The following GRM8 variants were observed in gnomAD, a reference collection of about 807,000 sequenced individuals.
GRM8 encodes metabotropic glutamate receptor 8.
In GRM8, 47 loss-of-function variants were observed where a neutral mutation model predicts 87.2. The ratio of observed to expected loss-of-function variants is 0.54; its 90% CI spans 0.43 to 0.69. GRM8 has a LOEUF of 0.69. Among genes scored for constraint, GRM8 ranks in the 30% least tolerant of loss-of-function variants. The probability of loss-of-function intolerance (pLI) is 0.00; values close to 1 mark genes in which losing one functional copy is unlikely to be tolerated. For synonymous variants in GRM8, 396 were observed against 404.5 expected, an observed-to-expected ratio of 0.98 and a Z score of 0.25; for missense variants, 1,019 against 1,139.2, an observed-to-expected ratio of 0.89 and a Z score of 1.52.
rs17867190 is a variant in GRM8 at position 126,982,000 on chromosome 7, A to G, written c.728-77317T>C. Among the ~76,000 whole-genome samples, 1,428 of 151,736 alleles carry G rather than the reference A, an allele frequency of 9.4e-3. 28 individuals carry two copies. Among genetic ancestry groups the G allele is most frequent in the African/African-American group, 0.033 (1,359 of 41,204 alleles). ...TCTATATCTATATCTATATCTATCT[A>G]TTTATCTATCTAGGGAGTTTATTAA... On this transcript the variant is annotated intron_variant, in intron 3 of 10. Coordinates refer to ENST00000339582, the MANE Select transcript of GRM8 (RefSeq NM_000845.3).
chr7:127,180,617 G>A (rs181745461), intron 2 of GRM8, among the ~76,000 whole-genome samples: 173 of 152,050 alleles, frequency 1.1e-3, no homozygotes, highest in Admixed American at 2.6e-3. Context: ...CTAGCTAACC[G>A]AATCCAACAA....
intron 6 of GRM8, among the ~76,000 whole-genome samples, chr7:126,811,907 G>C (rs1233540214): frequency 6.6e-6 from 1 of 151,898 alleles, no homozygotes; most frequent in African/African-American, 2.4e-5. Flanking sequence ...TTGAATAGGA[G>C]TGGTGAAAGT....
At chr7:126,993,422 A>G (rs1812867647) in intron 3 of GRM8, among the ~76,000 whole-genome samples, 1 of 152,110 alleles carries the variant, frequency 6.6e-6, no homozygotes, top group African/African-American at 2.4e-5. Context: ...AGGGTGGAGC[A>G]AGATGGCCAA....
At chr7:126,880,166 A>G (rs1799896646) in intron 6 of GRM8, among the ~76,000 whole-genome samples, 2 of 152,230 alleles carry the variant, frequency 1.3e-5, no homozygotes, top group Non-Finnish European at 2.9e-5. Context: ...TGTTTATTAG[A>G]TGAATAAATA....
At chr7:126,738,693 G>C (rs914993048) in intron 7 of GRM8, among the ~76,000 whole-genome samples, 6 of 145,314 alleles carry the variant, frequency 4.1e-5, no homozygotes, top group Non-Finnish European at 6.0e-5. Context: ...TTACCAGTGT[G>C]GGGGGTGAGT....
intron 6 of GRM8, among the ~76,000 whole-genome samples, chr7:126,787,967 T>C (rs751307327): frequency 6.6e-6 from 1 of 152,124 alleles, no homozygotes; most frequent in African/African-American, 2.4e-5. Context: ...ATTAAATATA[T>C]CACAAATGGC....
intron 3 of GRM8, among the ~76,000 whole-genome samples, chr7:126,905,569 A>G (rs79035239): frequency 0.01 from 1,545 of 152,296 alleles, 22 homozygotes; most frequent in African/African-American, 0.035. Flanking sequence ...CATTTATAGC[A>G]TTGCTTCAGT....
intron 2 of GRM8, among the ~76,000 whole-genome samples, chr7:127,107,783 C>T (rs1825954062): frequency 6.6e-6 from 1 of 152,180 alleles, no homozygotes; most frequent in South Asian, 2.1e-4. Context: ...CCTTGACATA[C>T]TTGTAAAGCT....
intron 3 of GRM8, among the ~76,000 whole-genome samples, chr7:126,967,121 G>A (rs947037250): frequency 1.3e-5 from 2 of 152,140 alleles, no homozygotes; most frequent in Non-Finnish European, 2.9e-5. Context: ...TGACAGATGG[G>A]TTTCTGGTAG....
At chr7:126,654,602 C>T (rs930265875) in intron 7 of GRM8, among the ~76,000 whole-genome samples, 1 of 152,122 alleles carries the variant, frequency 6.6e-6, no homozygotes, top group African/African-American at 2.4e-5. Flanking sequence ...AAAATGAAGG[C>T]ATTTAAAATT....
At chr7:126,596,059 G>C (rs1797158129) in intron 8 of GRM8, among the ~76,000 whole-genome samples, 1 of 152,170 alleles carries the variant, frequency 6.6e-6, no homozygotes, top group Non-Finnish European at 1.5e-5. Context: ...AGGAGGCAGA[G>C]GTTGCAGTGA....
intron 6 of GRM8, among the ~76,000 whole-genome samples, chr7:126,776,952 A>C (rs1416544381): frequency 2.0e-5 from 3 of 152,158 alleles, no homozygotes; most frequent in Non-Finnish European, 4.4e-5. Context: ...TGACAGAACA[A>C]ATACCACTAA....
intron 7 of GRM8, among the ~76,000 whole-genome samples, chr7:126,729,295 C>A (rs1366945727): frequency 6.6e-6 from 1 of 152,142 alleles, no homozygotes; most frequent in African/African-American, 2.4e-5. Context: ...TGTCATCTGG[C>A]CCCAGGAGCA....
intron 8 of GRM8, among the ~76,000 whole-genome samples, chr7:126,556,514 G>T (rs1328809974): frequency 6.6e-6 from 1 of 152,032 alleles, no homozygotes; most frequent in Non-Finnish European, 1.5e-5. Flanking sequence ...AGGTGTGGTG[G>T]CAGACGCCTG....
intron 7 of GRM8, among the ~76,000 whole-genome samples, chr7:126,703,821 C>CT (rs1436371001): frequency 6.6e-6 from 1 of 152,210 alleles, no homozygotes; most frequent in Non-Finnish European, 1.5e-5. Context: ...CTTGGCCCCC[C>CT]AGCGTGCTGA....
intron 2 of GRM8, among the ~76,000 whole-genome samples, chr7:127,198,355 C>A (rs1189118219): frequency 2.0e-5 from 3 of 152,172 alleles, no homozygotes; most frequent in African/African-American, 7.2e-5. Flanking sequence ...CAGATATGTA[C>A]TGAATTTGAT....
intron 2 of GRM8, among the ~76,000 whole-genome samples, chr7:127,108,128 T>C (rs1401517648): frequency 6.6e-6 from 1 of 152,176 alleles, no homozygotes; most frequent in Non-Finnish European, 1.5e-5. Context: ...GCCCTTTGCC[T>C]TCTCTGCCAG....
chr7:126,663,830 T>G (rs1303186443), intron 7 of GRM8, among the ~76,000 whole-genome samples: 1 of 152,134 alleles, frequency 6.6e-6, no homozygotes, highest in Non-Finnish European at 1.5e-5. Flanking sequence ...GGCATCCAAA[T>G]AGGAAAATAC....
At chr7:127,185,516 TAGAAGAA>T in intron 2 of GRM8, among the ~76,000 whole-genome samples, 1 of 152,250 alleles carries the variant, frequency 6.6e-6, no homozygotes, top group Non-Finnish European at 1.5e-5. Flanking sequence ...ATAAAATTTC[TAGAAGAA>T]AACATAGGAG....
Sources: allele counts gnomAD v4.1 joint callset (sites outside exome capture counted in the v4.1 genomes callset), GRCh38; gene constraint gnomAD v4.1.1; transcripts MANE v1.5; gene names NCBI Gene and HGNC (gene_info 2026-07-23, HGNC 2026-07-21).